Variants in SPOUT1 observed in about 807,000 individuals in gnomAD.
SPOUT1 encodes SPOUT domain containing methyltransferase 1.
A neutral mutation model predicts 54.8 loss-of-function variants in SPOUT1; 40 were observed. The observed-to-expected ratio is 0.73, with a 90% CI of 0.57 to 0.95. The LOEUF is 0.95. SPOUT1 is among the 40% of genes least tolerant of loss of function. SPOUT1 has a pLI of 0.00. For missense variants in SPOUT1, 437 were observed against 499.5 expected (o/e 0.87, Z 1.19); for synonymous variants, 193 against 200.3 (o/e 0.96, Z 0.31).
rs766521471 is a variant in SPOUT1 at position 128,822,716 on chromosome 9, C to G, written c.*49G>C. ...CGTCCGTCCCAAGTGACCTGCAGAGCCCCTGGTTTCACTGCTGCTTCACTG... is the reference window on the plus strand; with the variant it reads ...CGTCCGTCCCAAGTGACCTGCAGAGGCCCTGGTTTCACTGCTGCTTCACTG... On this transcript the variant is annotated 3_prime_UTR_variant, in exon 12 of 12. Coordinates refer to ENST00000361256, the MANE Select transcript of SPOUT1 (RefSeq NM_016390.4). The G allele has an allele frequency of 2.6e-6, 4 of 1,555,374 alleles. No homozygotes were observed. Among genetic ancestry groups the G allele is most frequent in the African/African-American group, 1.4e-5 (1 of 73,330 alleles).
chr9:128,827,817 G>A lies in SPOUT1; in HGVS notation c.209-626C>T, dbSNP rs140828563. Among the ~76,000 whole-genome samples, 791 of 152,328 alleles carry A rather than the reference G, an allele frequency of 5.2e-3. 1 individual carries two copies. The highest frequency in any genetic ancestry group is 0.017 in the Middle Eastern group (5 of 294). On this transcript the variant is annotated intron_variant, in intron 3 of 11. Transcript: ENST00000361256. ...CATGCCTGTAATCCCAGCTACTCCGGAGGCTGGGGCAGGAGAATCGATTGA... is the reference window on the plus strand; with the variant it reads ...CATGCCTGTAATCCCAGCTACTCCGAAGGCTGGGGCAGGAGAATCGATTGA...
intron 3 of SPOUT1, among the ~76,000 whole-genome samples, chr9:128,828,215 GC>G (rs1830277461): frequency 6.6e-6 from 1 of 152,212 alleles, no homozygotes; most frequent in African/African-American, 2.4e-5. Context: ...TGAGGCTTGG[GC>G]CGGGCACGGT....
chr9:128,820,673 GC>G lies in SPOUT1; in HGVS notation c.*2091del, dbSNP rs1396461667. ...CCTGTCCATCCCCTCAGGACCTGGGGCGGCCCTCTGATAGAGGAGGAAGGGT... is the reference window on the plus strand; with the variant it reads ...CCTGTCCATCCCCTCAGGACCTGGGGGGCCCTCTGATAGAGGAGGAAGGGT... On this transcript the variant is annotated 3_prime_UTR_variant, in exon 12 of 12. Transcript: ENST00000361256. 6 of 1,366,082 alleles carry G rather than the reference GC, an allele frequency of 4.4e-6. No homozygotes were observed. The South Asian group carries it at 5.0e-5, about 11-fold the overall frequency. 84.6% of individuals were successfully genotyped at this position (1,366,082 alleles called of 1,614,324 possible).
intron 9 of SPOUT1, 65 bp downstream of exon 9, chr9:128,824,706 G>A: frequency 8.0e-7 from 1 of 1,253,412 alleles, no homozygotes; most frequent in Non-Finnish European, 1.2e-6. Flanking sequence ...TTTGGGTCAG[G>A]CAAGGCTCCC....
Position 128,826,426 on chromosome 9 carries a change from T to G in SPOUT1, c.466A>C (p.Arg156=), listed in dbSNP as rs761030045. The part of the protein sequence containing the change: ...LQYLECPQYL[R]KAFFPKHQDL... ...TGGTGCTTGGGGAAGAACGCCTTCC[T>G]CAGGTACCTAGGAAAGAATGCTGAC... The change falls in exon 6 of 12, where the codon AGG becomes CGG. Residue 156 remains arginine (R), a synonymous_variant. Transcript: ENST00000361256. This position sits in a 1 kb window ranked among gnomAD's most constrained non-coding sequence, Gnocchi z 5.5. The G allele has an allele frequency of 1.2e-6, 2 of 1,613,948 alleles. No individual in the cohort carries two copies. Among genetic ancestry groups the G allele is most frequent in the African/African-American group, 2.7e-5 (2 of 74,874 alleles).
Position 128,822,692 on chromosome 9 carries a change from G to A in SPOUT1, c.*73C>T, listed in dbSNP as rs560177799. The A allele has an allele frequency of 2.2e-5, 34 of 1,553,584 alleles. No homozygotes were observed. In the African/African-American group the frequency reaches 2.7e-4, roughly 12 times the overall value. On this transcript the variant is annotated 3_prime_UTR_variant, in exon 12 of 12. Coordinates refer to ENST00000361256, the MANE Select transcript of SPOUT1 (RefSeq NM_016390.4). Reference sequence around the variant, plus strand: ...GATTTTTGGAGACAAGTCTGGTGGCGTCCGTCCCAAGTGACCTGCAGAGCC... The same window carrying A: ...GATTTTTGGAGACAAGTCTGGTGGCATCCGTCCCAAGTGACCTGCAGAGCC...
chr9:128,823,173 T>C (rs959736999), intron 11 of SPOUT1, among the ~76,000 whole-genome samples: 1 of 152,100 alleles, frequency 6.6e-6, no homozygotes, highest in Non-Finnish European at 1.5e-5. Context: ...CTGGGGGGTA[T>C]GGCTGTCAGG....
rs1335107123 is a variant in SPOUT1 at position 128,826,738 on chromosome 9, GATC to G, written c.369-112_369-110del. The G allele has an allele frequency of 3.7e-6, 3 of 802,876 alleles. No homozygotes were observed. Among genetic ancestry groups the G allele is most frequent in the Non-Finnish European group, 5.9e-6 (3 of 509,324 alleles). 49.7% of individuals were successfully genotyped at this position (802,876 alleles called of 1,614,324 possible). A position where few individuals can be genotyped will look rare whatever the true frequency, so the allele number is the denominator to read the frequency against. On this transcript the variant is annotated intron_variant, in intron 4 of 11. Transcript: ENST00000361256. The surrounding 1 kb of genome is among the most constrained non-coding windows in gnomAD (Gnocchi z 5.5). ...GCTACTCAGGAGGCTAAGGTGGGAG[GATC>G]ATCTGAGTGCAGCAAGTAGAGGCTG...
Position 128,826,146 on chromosome 9 carries a change from A to G in SPOUT1, c.515T>C (p.Leu172Pro). ...GTGGTGGGGGCTGTCCAGGGGGTTC[A>G]GGAGCCCTGTGGAGGCAGAGCCGGG... ...KHQDLQFAGLLNPLDSPHHMR... is the reference protein window; with the variant it reads ...KHQDLQFAGLPNPLDSPHHMR... The change falls in exon 7 of 12, where the codon CTG becomes CCG. Residue 172 changes from leucine (L) to proline (P), a missense_variant. Transcript: ENST00000361256. The surrounding 1 kb of genome is among the most constrained non-coding windows in gnomAD (Gnocchi z 5.5). 3 of 1,606,306 alleles carry G rather than the reference A, an allele frequency of 1.9e-6. No homozygotes were observed. The highest frequency in any genetic ancestry group is 2.6e-6 in the Non-Finnish European group (3 of 1,175,920).
At chr9:128,827,936 A>C (rs1482236718) in intron 3 of SPOUT1, among the ~76,000 whole-genome samples, 1 of 152,126 alleles carries the variant, frequency 6.6e-6, no homozygotes, top group African/African-American at 2.4e-5. Context: ...CAAACAAAAA[A>C]GCCCAAGAAG....
Position 128,824,076 on chromosome 9 carries a change from A to AGTT in SPOUT1, c.907_909dup (p.Asn303dup), listed in dbSNP as rs780759844. 4 of 1,612,790 alleles carry AGTT rather than the reference A, an allele frequency of 2.5e-6. No individual in the cohort carries two copies. In the East Asian group the frequency reaches 8.9e-5, roughly 36 times the overall value. On this transcript the variant is annotated inframe_insertion, in exon 10 of 12. Transcript: ENST00000361256. ...GCAGCCCCAGGAGGTACACACCTGA[A>AGTT]GTTGGGAAGCTGGGCAGAGGCCACA...
At chr9:128,828,692 C>T (rs777537277) in intron 3 of SPOUT1, 43 bp downstream of exon 3, 1 of 1,608,290 alleles carries the variant, frequency 6.2e-7, no homozygotes, top group Non-Finnish European at 8.5e-7. Flanking sequence ...AGGACAACTA[C>T]CGTGGGCCAC....
rs780204208 is a variant in SPOUT1 at position 128,829,784 on chromosome 9, C to T, written c.-4G>A. On this transcript the variant is annotated 5_prime_UTR_variant, in exon 1 of 12. Coordinates refer to ENST00000361256, the MANE Select transcript of SPOUT1 (RefSeq NM_016390.4). ...GCTTCCTGCCGCGCTCCGCCATGTT[C>T]CGCACACACCGTCGGTCCCGCCTCT... 2 of 1,601,368 alleles carry T rather than the reference C, an allele frequency of 1.2e-6. No homozygotes were observed. Among genetic ancestry groups the T allele is most frequent in the African/African-American group, 1.3e-5 (1 of 74,782 alleles).
Position 128,822,540 on chromosome 9 carries a change from G to A in SPOUT1, c.*225C>T. ...ATCGAGAGCATTGAGCGGGCTTCGG[G>A]GCTGCTCTTTGTGCCAAACATCCTG... On this transcript the variant is annotated 3_prime_UTR_variant, in exon 12 of 12. Transcript: ENST00000361256. The A allele has an allele frequency of 5.8e-6, 9 of 1,560,000 alleles. No individual in the cohort carries two copies. Among genetic ancestry groups the A allele is most frequent in the Non-Finnish European group, 7.8e-6 (9 of 1,151,564 alleles).
intron 7 of SPOUT1, among the ~76,000 whole-genome samples, chr9:128,825,358 G>A (rs952109573): frequency 2.6e-5 from 4 of 151,824 alleles, no homozygotes; most frequent in African/African-American, 9.7e-5. Context: ...TTAAGATGGA[G>A]TCTGGCTCTC....
intron 9 of SPOUT1, 151 bp downstream of exon 9, chr9:128,824,620 A>C: frequency 1.6e-6 from 1 of 639,098 alleles, no homozygotes; most frequent in Non-Finnish European, 2.9e-6. Context: ...ATCCAGGGAG[A>C]ACAAGGCCCA....
In SPOUT1 at chr9:128,828,897, G is replaced by A. The variant is rs201298519; in HGVS notation, c.83-37C>T. On this transcript the variant is annotated intron_variant, in intron 2 of 11. Coordinates refer to ENST00000361256, the MANE Select transcript of SPOUT1 (RefSeq NM_016390.4). ...AACATCCTAATTGGCCAAGGAGACA[G>A]TTCCCACTCATTGGGTCAGCCTGGA... The A allele has an allele frequency of 1.0e-3, 1,645 of 1,613,386 alleles. 1 individual carries two copies. Among genetic ancestry groups the A allele is most frequent in the Non-Finnish European group, 1.3e-3 (1,536 of 1,179,526 alleles).
At chr9:128,827,612 G>T (rs1830266469) in intron 3 of SPOUT1, among the ~76,000 whole-genome samples, 1 of 152,256 alleles carries the variant, frequency 6.6e-6, no homozygotes, top group Admixed American at 6.5e-5. Context: ...TTCAGCCCCG[G>T]GAAGTCAAAT....
chr9:128,820,950 T>G lies in SPOUT1; in HGVS notation c.*1815A>C. On this transcript the variant is annotated 3_prime_UTR_variant, in exon 12 of 12. Coordinates refer to ENST00000361256, the MANE Select transcript of SPOUT1 (RefSeq NM_016390.4). ...GCCCCAGGCTCTGGGTCAATACCAG[T>G]TCCCTACTCATCTGGTTTCTTGGCA... is the stretch of plus-strand genomic sequence containing the variant. 2.0e-6 allele frequency: 2 copies of G among 1,011,916 alleles called. No homozygotes were observed. The highest frequency in any genetic ancestry group is 3.0e-6 in the Non-Finnish European group (2 of 674,144). The allele number at this position is 1,011,916 out of a possible 1,614,324, so 62.7% of individuals were successfully genotyped here.
Sources: allele counts gnomAD v4.1 joint callset (sites outside exome capture counted in the v4.1 genomes callset), GRCh38; gene constraint gnomAD v4.1.1; non-coding constraint Gnocchi (gnomAD v3.1); transcripts MANE v1.5; gene names NCBI Gene and HGNC (gene_info 2026-07-23, HGNC 2026-07-21).